The following SRGAP2C variants were observed in gnomAD, a reference collection of about 807,000 sequenced individuals.
The protein encoded by SRGAP2C is SLIT-ROBO Rho GTPase activating protein 2C.
In SRGAP2C, 15 loss-of-function variants were observed where a neutral mutation model predicts 25.1. The observed-to-expected ratio is 0.60, with a 90% CI of 0.40 to 0.92. SRGAP2C has a LOEUF of 0.92. SRGAP2C is among the 40% of genes least tolerant of loss of function. The pLI, the probability that SRGAP2C is intolerant of heterozygous loss-of-function variation, is 0.00. For synonymous variants in SRGAP2C, 44 were observed against 96.6 expected, an observed-to-expected ratio of 0.46 and a Z score of 3.19; for missense variants, 144 against 264.4, an observed-to-expected ratio of 0.54 and a Z score of 3.16.
At chr1:121,314,492 G>A (rs1186530200) in intron 3 of SRGAP2C, among the ~76,000 whole-genome samples, 2 of 152,196 alleles carry the variant, frequency 1.3e-5, no homozygotes, top group African/African-American at 4.8e-5. Flanking sequence ...TTTGGAGGAG[G>A]AGAGGCGCTC....
At chr1:121,239,731 C>T (rs1467480148) in intron 2 of SRGAP2C, among the ~76,000 whole-genome samples, 3 of 151,822 alleles carry the variant, frequency 2.0e-5, no homozygotes, top group African/African-American at 4.8e-5. Context: ...TCAAATCTGT[C>T]CTGCTGCCTA....
chr1:121,249,576 ATATATTTT>A (rs1382861115), intron 2 of SRGAP2C, among the ~76,000 whole-genome samples: 51 of 21,488 alleles, frequency 2.4e-3, no homozygotes, highest in African/African-American at 8.1e-3. Context: ...ATATATATAT[ATATATTTT>A]TTTTTTTTTT....
intron 4 of SRGAP2C, among the ~76,000 whole-genome samples, chr1:121,357,519 T>C (rs1378753415): frequency 6.6e-6 from 1 of 152,298 alleles, no homozygotes; most frequent in South Asian, 2.1e-4. Flanking sequence ...CTTTGTTTTG[T>C]TTTGGGAGTT....
chr1:121,287,529 T>C (rs1317661510), intron 3 of SRGAP2C, among the ~76,000 whole-genome samples: 41 of 150,950 alleles, frequency 2.7e-4, no homozygotes, highest in Non-Finnish European at 5.2e-4. Context: ...CTGTTGGTAA[T>C]CTCATCCTAA....
Position 121,284,258 on chromosome 1 carries a change from C to A in SRGAP2C, c.68-545C>A, listed in dbSNP as rs1489219456. Among the ~76,000 whole-genome samples the A allele has an allele frequency of 1.2e-4, 18 of 147,850 alleles. No homozygotes were observed. The South Asian group carries it at 3.3e-3, about 27-fold the overall frequency. ...TTAAAATATCCTGACCTTCATCCTA[C>A]TTCATGAAGATGGTAAACAACATTT... On this transcript the variant is annotated intron_variant, in intron 2 of 9. Coordinates refer to ENST00000367123, the MANE Select transcript of SRGAP2C (RefSeq NM_001329984.2).
chr1:121,362,886 AC>A (rs1375927183), intron 4 of SRGAP2C: 1 of 138,418 alleles, frequency 7.2e-6, no homozygotes, highest in African/African-American at 2.8e-5. Flanking sequence ...TGGATGAGAG[AC>A]CCTGGAATGA....
At chr1:121,201,998 C>T (rs587608262) in intron 2 of SRGAP2C, among the ~76,000 whole-genome samples, 2 of 152,236 alleles carry the variant, frequency 1.3e-5, no homozygotes, top group South Asian at 2.1e-4. Context: ...ATTCTGCCCT[C>T]GGACAATTCT....
chr1:121,273,755 A>G (rs199942595), intron 2 of SRGAP2C, among the ~76,000 whole-genome samples: 1 of 151,850 alleles, frequency 6.6e-6, no homozygotes, highest in Non-Finnish European at 1.5e-5. Flanking sequence ...CTGTAGGTCA[A>G]AGTTTGATTC....
At chr1:121,374,513 A>G (rs1308598294) in intron 6 of SRGAP2C, among the ~76,000 whole-genome samples, 1 of 152,160 alleles carries the variant, frequency 6.6e-6, no homozygotes, top group Non-Finnish European at 1.5e-5. Context: ...ATTTGGTTTC[A>G]GGTATCAGGT....
chr1:121,331,732 A>C (rs1224753654), intron 4 of SRGAP2C, among the ~76,000 whole-genome samples: 3 of 144,602 alleles, frequency 2.1e-5, no homozygotes, highest in African/African-American at 7.7e-5. Flanking sequence ...CCATATATCA[A>C]TACTACTCAG....
At position 121,391,423 on chromosome 1, in the gene SRGAP2C, T is replaced by G; in HGVS notation, c.*3568T>G. 1 of 152,108 alleles carries G rather than the reference T, an allele frequency of 6.6e-6. No individual in the cohort carries two copies. The highest frequency in any genetic ancestry group is 1.5e-5 in the Non-Finnish European group (1 of 68,018). 9.4% of individuals were successfully genotyped at this position (152,108 alleles called of 1,614,324 possible). On this transcript the variant is annotated 3_prime_UTR_variant, in exon 10 of 10. Transcript: ENST00000367123. The stretch of plus-strand genomic sequence containing the variant: ...AGTGAACACACACTTTGTGCCGGCT[T>G]TAAAGAACCCAGCACAAAGCCAGTC...
intron 3 of SRGAP2C, among the ~76,000 whole-genome samples, chr1:121,303,365 T>C (rs1353220929): frequency 6.9e-6 from 1 of 145,800 alleles, no homozygotes. Context: ...TTAATGTTCA[T>C]ATTGTTCTAT....
chr1:121,239,198 ATATATATATATAT>A (rs1656039447), intron 2 of SRGAP2C, among the ~76,000 whole-genome samples: 4 of 3,602 alleles, frequency 1.1e-3, no homozygotes, highest in Non-Finnish European at 1.5e-3. Context: ...ATATATATAT[ATATATATATATAT>A]ATATATATAT....
chr1:121,221,919 T>C (rs1363347932), intron 2 of SRGAP2C, among the ~76,000 whole-genome samples: 2 of 152,066 alleles, frequency 1.3e-5, no homozygotes, highest in African/African-American at 4.8e-5. Context: ...CTCCTTGAAA[T>C]GCTAGCGTCC....
chr1:121,188,328 G>A (rs1365147365), intron 2 of SRGAP2C, among the ~76,000 whole-genome samples: 3 of 152,196 alleles, frequency 2.0e-5, no homozygotes, highest in Non-Finnish European at 4.4e-5. Context: ...AGAAACCAAG[G>A]ACCTGTCTTC....
chr1:121,374,781 C>T (rs781846224), intron 6 of SRGAP2C, 45 bp from the exon 7 acceptor site: 9 of 756,498 alleles, frequency 1.2e-5, no homozygotes, highest in Admixed American at 5.4e-5. Context: ...GAACAAGCCC[C>T]CCTTTAAAAA....
intron 4 of SRGAP2C, among the ~76,000 whole-genome samples, chr1:121,339,252 C>CTTTTT (rs1185472819): frequency 1.1e-5 from 1 of 89,628 alleles, no homozygotes; most frequent in Non-Finnish European, 2.1e-5. Flanking sequence ...GCTATGTTGT[C>CTTTTT]TTTTTTTTTT....
intron 3 of SRGAP2C, among the ~76,000 whole-genome samples, chr1:121,287,527 A>G (rs2101571195): frequency 6.6e-6 from 1 of 150,800 alleles, no homozygotes; most frequent in East Asian, 2.0e-4. Flanking sequence ...TTCTGTTGGT[A>G]ATCTCATCCT....
intron 4 of SRGAP2C, chr1:121,362,116 G>A (rs1195369698): frequency 7.3e-5 from 4 of 54,884 alleles, no homozygotes; most frequent in African/African-American, 3.0e-4. Flanking sequence ...TACCAGCTCT[G>A]TCAACCCCAC....
Sources: gnomAD v4.1 joint callset for allele counts (sites outside exome capture counted in the v4.1 genomes callset) on GRCh38, gnomAD v4.1.1 for gene constraint, MANE v1.5 for transcripts, NCBI Gene and HGNC (gene_info 2026-07-23, HGNC 2026-07-21) for gene names.